MAGI1: variants seen among roughly 807,000 people sequenced by gnomAD.
MAGI1 encodes the protein membrane-associated guanylate kinase, WW and PDZ domain-containing protein 1.
In MAGI1, 58 loss-of-function variants were observed where a neutral mutation model predicts 139.9. That is an observed-to-expected ratio of 0.41 (90% CI 0.34 to 0.52). MAGI1 has a LOEUF of 0.52. Among genes scored for constraint, MAGI1 ranks in the 20% least tolerant of loss-of-function variants. The pLI, the probability that MAGI1 is intolerant of heterozygous loss-of-function variation, is 0.12. For synonymous variants in MAGI1, 812 were observed against 737.9 expected (o/e 1.10, Z -1.63); for missense variants, 1,874 against 1,901.6 (o/e 0.99, Z 0.27).
At chr3:65,978,856 A>C (rs768940134) in intron 1 of MAGI1, among the ~76,000 whole-genome samples, 68 of 151,966 alleles carry the variant, frequency 4.5e-4, no homozygotes, top group Non-Finnish European at 8.7e-4. Context: ...CAAACTCCTG[A>C]CCTCAAGTGA....
intron 2 of MAGI1, among the ~76,000 whole-genome samples, chr3:65,583,794 G>C (rs1251214433): frequency 1.3e-5 from 2 of 152,068 alleles, no homozygotes; most frequent in Non-Finnish European, 2.9e-5. Flanking sequence ...AAGAACTAAA[G>C]AACACATTCA....
intron 18 of MAGI1, among the ~76,000 whole-genome samples, chr3:65,373,212 G>T (rs1559504163): frequency 6.6e-6 from 1 of 152,268 alleles, no homozygotes; most frequent in Admixed American, 6.5e-5. Flanking sequence ...AGAGGCCATT[G>T]TAAGGTTATT....
chr3:65,927,493 G>A (rs1020551064), intron 1 of MAGI1, among the ~76,000 whole-genome samples: 7 of 152,164 alleles, frequency 4.6e-5, no homozygotes, highest in Non-Finnish European at 1.5e-5. Flanking sequence ...CCCATCACAG[G>A]TGGTCCCACA....
intron 2 of MAGI1, among the ~76,000 whole-genome samples, chr3:65,571,460 C>T (rs1317411374): frequency 3.3e-5 from 5 of 151,832 alleles, no homozygotes; most frequent in Admixed American, 3.3e-4. Context: ...TAAATTGAAT[C>T]CCTAGCTAAA....
At chr3:65,481,830 C>T (rs1020726479) in intron 3 of MAGI1, among the ~76,000 whole-genome samples, 8 of 152,148 alleles carry the variant, frequency 5.3e-5, no homozygotes, top group African/African-American at 1.7e-4. Context: ...CCATTAGGTA[C>T]CTACCCTCAC....
At chr3:65,525,649 T>C (rs1028211382) in intron 2 of MAGI1, among the ~76,000 whole-genome samples, 1 of 152,202 alleles carries the variant, frequency 6.6e-6, no homozygotes, top group Admixed American at 6.5e-5. Flanking sequence ...AATTACATGG[T>C]CATTCAATTA....
chr3:65,429,382 G>T, intron 12 of MAGI1, 138 bp downstream of exon 12: 2 of 867,318 alleles, frequency 2.3e-6, no homozygotes, highest in Non-Finnish European at 3.5e-6. Flanking sequence ...AAAGAGGTTA[G>T]TATTTGGAGA....
chr3:65,707,933 T>G (rs981138399), intron 1 of MAGI1, among the ~76,000 whole-genome samples: 5 of 152,130 alleles, frequency 3.3e-5, no homozygotes, highest in Admixed American at 2.0e-4. Context: ...GCTGTAACTG[T>G]GTGAAGAATA....
chr3:65,526,678 A>G (rs964775054), intron 2 of MAGI1, among the ~76,000 whole-genome samples: 2 of 152,166 alleles, frequency 1.3e-5, no homozygotes, highest in African/African-American at 4.8e-5. Context: ...CCACCTTCTC[A>G]TCACTTTAAA....
chr3:65,508,156 C>G (rs1004105538), intron 2 of MAGI1, among the ~76,000 whole-genome samples: 1 of 152,158 alleles, frequency 6.6e-6, no homozygotes, highest in African/African-American at 2.4e-5. Flanking sequence ...GTAATCCCAG[C>G]ACTTTGGGAG....
intron 1 of MAGI1, among the ~76,000 whole-genome samples, chr3:65,717,194 T>A: frequency 6.6e-6 from 1 of 152,270 alleles, no homozygotes; most frequent in East Asian, 1.9e-4. Flanking sequence ...AAAGTTAATA[T>A]AGGACAAACA....
At chr3:65,560,586 C>T (rs1246432717) in intron 2 of MAGI1, among the ~76,000 whole-genome samples, 2 of 152,082 alleles carry the variant, frequency 1.3e-5, no homozygotes, top group African/African-American at 4.8e-5. Flanking sequence ...TTTAATGAAA[C>T]TGGAGGAAAT....
Position 65,595,926 on chromosome 3 carries a change from G to A in MAGI1, c.430+26046C>T, listed in dbSNP as rs997393907. Among the ~76,000 whole-genome samples, 6 of 152,208 alleles carry A rather than the reference G, an allele frequency of 3.9e-5. No individual in the cohort carries two copies. The East Asian group carries it at 5.8e-4, about 15-fold the overall frequency. ...AAAGAGGAAAGGCATTGAGAGACAGGGGCAGACTGCTTCTGTTTGCTCAGT... is the reference window on the plus strand; with the variant it reads ...AAAGAGGAAAGGCATTGAGAGACAGAGGCAGACTGCTTCTGTTTGCTCAGT... On this transcript the variant is annotated intron_variant, in intron 2 of 22. Transcript: ENST00000402939.
At chr3:65,727,236 G>T (rs2033720680) in intron 1 of MAGI1, among the ~76,000 whole-genome samples, 1 of 152,166 alleles carries the variant, frequency 6.6e-6, no homozygotes, top group African/African-American at 2.4e-5. Flanking sequence ...TTATCTGACA[G>T]CACACTTATT....
chr3:65,925,142 T>G (rs1158618710), intron 1 of MAGI1: 1 of 152,190 alleles, frequency 6.6e-6, no homozygotes, highest in Non-Finnish European at 1.5e-5. Context: ...ATCCAGGAAT[T>G]GAGAAGACTT....
intron 1 of MAGI1, among the ~76,000 whole-genome samples, chr3:65,779,730 C>T (rs1275003383): frequency 1.3e-5 from 2 of 152,190 alleles, no homozygotes; most frequent in Non-Finnish European, 2.9e-5. Flanking sequence ...GAATTTTATT[C>T]GCACCATGGA....
At chr3:65,637,503 A>T (rs1048585815) in intron 1 of MAGI1, among the ~76,000 whole-genome samples, 2 of 151,530 alleles carry the variant, frequency 1.3e-5, no homozygotes, top group Non-Finnish European at 2.9e-5. Context: ...GCAGTGAGAC[A>T]TGATGGCATC....
intron 1 of MAGI1, among the ~76,000 whole-genome samples, chr3:65,841,350 T>C (rs2058796856): frequency 1.3e-5 from 2 of 152,112 alleles, no homozygotes; most frequent in Admixed American, 6.6e-5. Flanking sequence ...TCTAGTTTCT[T>C]GATGTAGGGG....
At chr3:65,776,172 G>T (rs2107974336) in intron 1 of MAGI1, among the ~76,000 whole-genome samples, 1 of 151,048 alleles carries the variant, frequency 6.6e-6, no homozygotes, top group South Asian at 2.1e-4. Flanking sequence ...AGGTGGTGCA[G>T]AAAGTATTTT....
Sources: allele counts gnomAD v4.1 joint callset (sites outside exome capture counted in the v4.1 genomes callset), GRCh38; gene constraint gnomAD v4.1.1; transcripts MANE v1.5; gene names NCBI Gene and HGNC (gene_info 2026-07-23, HGNC 2026-07-21).